TUSC3: variants seen among roughly 807,000 people sequenced by gnomAD.
TUSC3 encodes dolichyl-diphosphooligosaccharide--protein glycosyltransferase subunit TUSC3.
Under a neutral mutation model 44.8 loss-of-function variants are expected in TUSC3, and 45 were observed. That is an observed-to-expected ratio of 1.00 (90% CI 0.79 to 1.29). The LOEUF (loss-of-function observed/expected upper bound fraction) is 1.29. Among genes scored for constraint, TUSC3 ranks in the 50% most tolerant of loss-of-function variants. The pLI is 0.00. For synonymous variants in TUSC3, 212 were observed against 152.9 expected, an observed-to-expected ratio of 1.39 and a Z score of -2.85; for missense variants, 519 against 437.9, an observed-to-expected ratio of 1.19 and a Z score of -1.65.
chr8:15,663,234 CAT>C (rs2129180385), intron 5 of TUSC3, among the ~76,000 whole-genome samples: 1 of 151,616 alleles, frequency 6.6e-6, no homozygotes, highest in East Asian at 1.9e-4. Flanking sequence ...AGACTAGATA[CAT>C]ATACATATAT....
the TUSC3 span, among the ~76,000 whole-genome samples, chr8:15,825,339 G>A: frequency 6.6e-6 from 1 of 152,152 alleles, no homozygotes; most frequent in Admixed American, 6.6e-5. Context: ...GGAAGGCAAA[G>A]GAGGAGTAAG....
chr8:15,444,722 T>C (rs1440888513), intron 1 of TUSC3, among the ~76,000 whole-genome samples: 1 of 152,142 alleles, frequency 6.6e-6, no homozygotes, highest in Non-Finnish European at 1.5e-5. Context: ...ATCTCCCAAG[T>C]ATCGGTTCTC....
At chr8:15,590,753 C>T (rs369354225) in intron 1 of TUSC3, among the ~76,000 whole-genome samples, 1 of 151,434 alleles carries the variant, frequency 6.6e-6, no homozygotes, top group Non-Finnish European at 1.5e-5. Flanking sequence ...CTCATTGTTG[C>T]CTCTACCTCC....
chr8:15,425,519 A>G (rs868240151), intron 1 of TUSC3, among the ~76,000 whole-genome samples: 52 of 152,326 alleles, frequency 3.4e-4, no homozygotes, highest in African/African-American at 1.2e-3. Context: ...TGGTTTTTCA[A>G]GTACAATATG....
chr8:15,447,506 C>T (rs540593748), intron 1 of TUSC3, among the ~76,000 whole-genome samples: 1 of 152,092 alleles, frequency 6.6e-6, no homozygotes, highest in African/African-American at 2.4e-5. Flanking sequence ...TCAAATATTT[C>T]TAAATGGAAA....
At chr8:15,725,156 T>G (rs1257842479) in intron 6 of TUSC3, among the ~76,000 whole-genome samples, 1 of 152,162 alleles carries the variant, frequency 6.6e-6, no homozygotes, top group Non-Finnish European at 1.5e-5. Context: ...TTTTTTTTAG[T>G]AAGGATTATA....
intron 2 of TUSC3, among the ~76,000 whole-genome samples, chr8:15,646,327 C>A (rs1250778091): frequency 6.6e-6 from 1 of 152,000 alleles, no homozygotes; most frequent in African/African-American, 2.4e-5. Context: ...TAAGTTGTGG[C>A]CAAGTTATGG....
the TUSC3 span, among the ~76,000 whole-genome samples, chr8:15,780,845 T>A: frequency 6.6e-6 from 1 of 152,078 alleles, no homozygotes; most frequent in Admixed American, 6.5e-5. Context: ...ACTGAGAATA[T>A]GTAAGTTTCC....
intron 1 of TUSC3, among the ~76,000 whole-genome samples, chr8:15,434,072 A>G (rs1422012080): frequency 3.9e-5 from 6 of 152,338 alleles, no homozygotes; most frequent in South Asian, 4.1e-4. Flanking sequence ...TGTAGTCTCA[A>G]TAGCAACGTG....
intron 1 of TUSC3, among the ~76,000 whole-genome samples, chr8:15,462,731 G>C (rs1800361576): frequency 2.0e-5 from 3 of 152,040 alleles, no homozygotes; most frequent in South Asian, 4.1e-4. Flanking sequence ...CTGTTTTCCA[G>C]TCTGACAATT....
chr8:15,676,334 A>T (rs191021997), intron 6 of TUSC3, among the ~76,000 whole-genome samples: 1 of 151,720 alleles, frequency 6.6e-6, no homozygotes, highest in Admixed American at 6.6e-5. Flanking sequence ...TTATTTTCTG[A>T]TTGTTGATTT....
chr8:15,585,175 G>T (rs1803544286), intron 1 of TUSC3, among the ~76,000 whole-genome samples: 1 of 152,144 alleles, frequency 6.6e-6, no homozygotes, highest in South Asian at 2.1e-4. Context: ...CTGGCGTTAG[G>T]AATAGAGTGG....
chr8:15,595,564 G>C (rs1317036855), intron 1 of TUSC3, among the ~76,000 whole-genome samples: 1 of 152,060 alleles, frequency 6.6e-6, no homozygotes, highest in Non-Finnish European at 1.5e-5. Context: ...CATATGTTTT[G>C]TTTCCTTTTG....
chr8:15,699,538 A>C (rs1013243695), intron 6 of TUSC3, among the ~76,000 whole-genome samples: 1 of 152,230 alleles, frequency 6.6e-6, no homozygotes, highest in African/African-American at 2.4e-5. Context: ...CTTTTAAAAA[A>C]TGCTGTTTGC....
chr8:15,777,268 C>G, the TUSC3 span, among the ~76,000 whole-genome samples: 6 of 152,204 alleles, frequency 3.9e-5, no homozygotes, highest in East Asian at 5.8e-4. Flanking sequence ...ACTTCCCCCC[C>G]ACCTTTTCGG....
chr8:15,728,343 T>C (rs1450236721), intron 6 of TUSC3, among the ~76,000 whole-genome samples: 5 of 152,034 alleles, frequency 3.3e-5, no homozygotes, highest in Non-Finnish European at 7.4e-5. Context: ...TTGGGCCTTA[T>C]ATTTTAGCCT....
At chr8:15,826,283 T>C in the TUSC3 span, among the ~76,000 whole-genome samples, 2 of 152,166 alleles carry the variant, frequency 1.3e-5, no homozygotes, top group Non-Finnish European at 2.9e-5. Context: ...TAAGTACGAA[T>C]GGGATTTGGC....
chr8:15,492,394 G>C (rs1356879483), intron 2 of TUSC3, among the ~76,000 whole-genome samples: 1 of 152,100 alleles, frequency 6.6e-6, no homozygotes, highest in Non-Finnish European at 1.5e-5. Context: ...AAACTTATAT[G>C]CAATACAGGC....
rs185341672 is a variant in TUSC3 at position 15,749,226 on chromosome 8, T to C, written c.1028+761T>C. ...CCTTTTTCAGAGATTTTGAAGACTC[T>C]GGTTAGGTAGTAGAACCAGTGATAT... On this transcript the variant is annotated intron_variant, in intron 9 of 10. Coordinates refer to ENST00000503731, the MANE Select transcript of TUSC3 (RefSeq NM_006765.4). 1.2e-3 allele frequency among the ~76,000 whole-genome samples: 189 copies of C among 152,318 alleles called. 1 individual carries two copies. Among genetic ancestry groups the C allele is most frequent in the Non-Finnish European group, 2.2e-3 (148 of 68,022 alleles).
Sources: gnomAD v4.1 joint callset for allele counts (sites outside exome capture counted in the v4.1 genomes callset) on GRCh38, gnomAD v4.1.1 for gene constraint, MANE v1.5 for transcripts, NCBI Gene and HGNC (gene_info 2026-07-23, HGNC 2026-07-21) for gene names.